TRAFD1: variants seen among roughly 807,000 people sequenced by gnomAD.
TRAFD1 encodes TRAF-type zinc finger domain-containing protein 1.
TRAFD1 carries 38 observed loss-of-function variants against 65.3 expected under a neutral mutation model. The ratio of observed to expected loss-of-function variants is 0.58; its 90% CI spans 0.45 to 0.76. The LOEUF (loss-of-function observed/expected upper bound fraction) is 0.76, where lower values mean the gene tolerates loss of function less well. Among genes scored for constraint, TRAFD1 ranks in the 30% least tolerant of loss-of-function variants. The pLI is 0.00. For missense variants in TRAFD1, 631 were observed against 712.6 expected (o/e 0.89, Z 1.30); for synonymous variants, 223 against 257.2 (o/e 0.87, Z 1.27).
intron 6 of TRAFD1, 91 bp downstream of exon 6, chr12:112,142,386 G>A: frequency 7.0e-7 from 1 of 1,420,298 alleles, no homozygotes; most frequent in Non-Finnish European, 9.5e-7. Flanking sequence ...AGATTTTAAT[G>A]AAATAGAATT....
At chr12:112,147,345 T>C (rs1306929642) in intron 7 of TRAFD1, among the ~76,000 whole-genome samples, 1 of 152,168 alleles carries the variant, frequency 6.6e-6, no homozygotes, top group Non-Finnish European at 1.5e-5. Context: ...TTTGGCCTAG[T>C]CTGGCATTTC....
At chr12:112,141,983 C>T (rs981509717) in intron 5 of TRAFD1, 106 bp from the exon 6 acceptor site, 1 of 1,261,246 alleles carries the variant, frequency 7.9e-7, no homozygotes, top group Non-Finnish European at 1.1e-6. Flanking sequence ...ATTTTTATTC[C>T]TTCCCGGATG....
intron 6 of TRAFD1, 114 bp from the exon 7 acceptor site, chr12:112,145,472 A>G (rs553153607): frequency 2.9e-6 from 3 of 1,026,622 alleles, no homozygotes; most frequent in East Asian, 2.4e-5. Flanking sequence ...TGCTATCTAT[A>G]AGAAACATTA....
At chr12:112,146,305 T>C (rs2030243769) in intron 7 of TRAFD1, among the ~76,000 whole-genome samples, 1 of 148,988 alleles carries the variant, frequency 6.7e-6, no homozygotes, top group Non-Finnish European at 1.5e-5. Flanking sequence ...GGTGGGAGGA[T>C]TGCTTGAGCC....
At chr12:112,150,541 G>A (rs530541907) in intron 9 of TRAFD1, among the ~76,000 whole-genome samples, 3 of 151,978 alleles carry the variant, frequency 2.0e-5, no homozygotes, top group Admixed American at 1.3e-4. Flanking sequence ...AGGCCACTGT[G>A]ACCGACCTCA....
chr12:112,145,755 T>C (rs2030220285), intron 7 of TRAFD1, 93 bp downstream of exon 7: 1 of 1,082,186 alleles, frequency 9.2e-7, no homozygotes, highest in African/African-American at 1.6e-5. Flanking sequence ...CAAATCATTT[T>C]AATACAATGC....
intron 1 of TRAFD1, chr12:112,126,190 C>G (rs11066175): frequency 1.3e-5 from 2 of 152,210 alleles, no homozygotes; most frequent in Non-Finnish European, 2.9e-5. Context: ...AAGCCGCTTA[C>G]TTCTTCACTC....
chr12:112,128,249 G>A (rs1266713000), intron 1 of TRAFD1, among the ~76,000 whole-genome samples: 9 of 148,962 alleles, frequency 6.0e-5, no homozygotes, highest in African/African-American at 2.0e-4. Flanking sequence ...CAAGTGATCC[G>A]CCCACCTCAG....
rs1351125951 is a variant in TRAFD1 at position 112,141,182 on chromosome 12, C to CA, written c.604dup (p.Arg202LysfsTer12). ...TGTTTTCCACAATAGAACTACCAAC[C>CA]AAAGGAACATTACAGCCCAGGTTTC... On this transcript the variant is annotated frameshift_variant, in exon 5 of 12. Transcript: ENST00000412615. LOFTEE classifies it high-confidence loss of function. The CA allele has an allele frequency of 6.2e-7, 1 of 1,614,130 alleles. No individual in the cohort carries two copies. Among genetic ancestry groups the CA allele is most frequent in the South Asian group, 1.1e-5 (1 of 91,082 alleles).
At chr12:112,144,471 G>T (rs1188987937) in intron 6 of TRAFD1, among the ~76,000 whole-genome samples, 1 of 151,940 alleles carries the variant, frequency 6.6e-6, no homozygotes, top group East Asian at 1.9e-4. Flanking sequence ...GGGTTTTACC[G>T]TGTCGCTCAG....
In TRAFD1 at chr12:112,137,916, G is replaced by C. The variant is rs978205795; in HGVS notation, c.237+2850G>C. ...TGTGTGCCTCAAACTGTAACAACTT[G>C]ATTTTATTAATTTATAATTAAATTA... On this transcript the variant is annotated intron_variant, in intron 4 of 11. Transcript: ENST00000412615. The surrounding 1 kb of genome is among the most constrained non-coding windows in gnomAD (Gnocchi z 4.2). Among the ~76,000 whole-genome samples, 1 of 151,994 alleles carries C rather than the reference G, an allele frequency of 6.6e-6. No homozygotes were observed. Among genetic ancestry groups the C allele is most frequent in the African/African-American group, 2.4e-5 (1 of 41,376 alleles).
rs2030066379 is a variant in TRAFD1 at position 112,140,831 on chromosome 12, C to G, written c.250C>G (p.Pro84Ala). 1 of 1,613,838 alleles carries G rather than the reference C, an allele frequency of 6.2e-7. No homozygotes were observed. The change falls in exon 5 of 12, where the codon CCT becomes GCT. Residue 84 changes from proline (P) to alanine (A), a missense_variant. Transcript: ENST00000412615. Reference protein sequence around the residue: ...LLKKHEETECPLRLAVCQHCD... With the variant: ...LLKKHEETECALRLAVCQHCD... Reference sequence around the variant, plus strand: ...CTCTGTTTTGTAGGAGACTGAGTGCCCTTTGCGGCTTGCTGTCTGCCAGCA... The same window carrying G: ...CTCTGTTTTGTAGGAGACTGAGTGCGCTTTGCGGCTTGCTGTCTGCCAGCA...
intron 7 of TRAFD1, 117 bp downstream of exon 7, chr12:112,145,779 A>C: frequency 1.1e-6 from 1 of 881,794 alleles, no homozygotes; most frequent in South Asian, 1.6e-5. Context: ...TAGTAGGAAT[A>C]GCAAGTGTTC....
chr12:112,151,656 C>T, intron 9 of TRAFD1, 145 bp from the exon 10 acceptor site: 1 of 748,614 alleles, frequency 1.3e-6, no homozygotes, highest in South Asian at 2.0e-5. Context: ...CCTCGGCCTC[C>T]CAAAGTGCTG....
chr12:112,134,001 A>AT (rs545753010), intron 2 of TRAFD1, among the ~76,000 whole-genome samples: 2,807 of 95,146 alleles, frequency 0.03, 198 homozygotes, highest in South Asian at 0.098. Context: ...AAAGGATTTA[A>AT]TTTTTTTTTT....
At position 112,137,631 on chromosome 12, in the gene TRAFD1, G is replaced by A. The variant is rs199732588; in HGVS notation, c.237+2565G>A. On this transcript the variant is annotated intron_variant, in intron 4 of 11. Coordinates refer to ENST00000412615, the MANE Select transcript of TRAFD1 (RefSeq NM_006700.3). The surrounding 1 kb of genome is among the most constrained non-coding windows in gnomAD (Gnocchi z 4.2). ...CATAAAATTAGCTGGGCGTGGTGGC[G>A]GGCGCCTATAGTCCCAGCTACTTGG... Among the ~76,000 whole-genome samples, 5 of 152,138 alleles carry A rather than the reference G, an allele frequency of 3.3e-5. No homozygotes were observed. The East Asian group carries it at 5.8e-4, about 18-fold the overall frequency.
rs879359398 is a variant in TRAFD1, at chr12:112,137,719, G to A, written c.237+2653G>A. Reference sequence around the variant, plus strand: ...GGAGCTTGCAGTAAGCCGAGGTTGCGCTACTGCACTTCAGTCAGGGCGACA... The same window carrying A: ...GGAGCTTGCAGTAAGCCGAGGTTGCACTACTGCACTTCAGTCAGGGCGACA... On this transcript the variant is annotated intron_variant, in intron 4 of 11. Transcript: ENST00000412615. The surrounding 1 kb of genome is among the most constrained non-coding windows in gnomAD (Gnocchi z 4.2). Among the ~76,000 whole-genome samples, 11 of 152,106 alleles carry A rather than the reference G, an allele frequency of 7.2e-5. No individual in the cohort carries two copies. The highest frequency in any genetic ancestry group is 1.4e-4 in the African/African-American group (6 of 41,422).
intron 1 of TRAFD1, among the ~76,000 whole-genome samples, chr12:112,129,667 G>A (rs1286709013): frequency 6.6e-6 from 1 of 151,940 alleles, no homozygotes; most frequent in Non-Finnish European, 1.5e-5. Context: ...TTTTTGAGAC[G>A]GAGTCTTACT....
In TRAFD1 at chr12:112,130,526, G is replaced by A. The variant is rs751082237; in HGVS notation, c.4G>A (p.Ala2Thr). The A allele has an allele frequency of 6.2e-7, 1 of 1,612,930 alleles. No homozygotes were observed. Among genetic ancestry groups the A allele is most frequent in the Admixed American group, 1.7e-5 (1 of 59,974 alleles). The stretch of plus-strand genomic sequence containing the variant: ...TGGTTTTCAGGAAGAGCTAAAGATG[G>A]CTGAATTTCTAGATGACCAGGAAAC... M[A>T]EFLDDQETRL... Residue 2 changes from alanine to threonine, a missense_variant, in exon 2 of 12, where the codon GCT becomes ACT. Transcript: ENST00000412615. The surrounding 1 kb of genome is among the most constrained non-coding windows in gnomAD (Gnocchi z 4.4).
Sources: gnomAD v4.1 joint callset for allele counts (sites outside exome capture counted in the v4.1 genomes callset) on GRCh38, gnomAD v4.1.1 for gene constraint, Gnocchi (gnomAD v3.1) non-coding constraint, MANE v1.5 for transcripts, NCBI Gene and HGNC (gene_info 2026-07-23, HGNC 2026-07-21) for gene names.